CACNG2: variants seen among roughly 807,000 people sequenced by gnomAD.
CACNG2 encodes the protein voltage-dependent calcium channel gamma-2 subunit.
CACNG2 carries 3 observed loss-of-function variants against 25.9 expected under a neutral mutation model. That is an observed-to-expected ratio of 0.12 (90% CI 0.05 to 0.30). The LOEUF is 0.30. Among genes scored for constraint, CACNG2 ranks in the 10% least tolerant of loss-of-function variants. The probability of loss-of-function intolerance (pLI) is 1.00; values close to 1 mark genes in which losing one functional copy is unlikely to be tolerated. For missense variants in CACNG2, 341 were observed against 432.5 expected (o/e 0.79, Z 1.88); for synonymous variants, 167 against 173.3 (o/e 0.96, Z 0.29).
chr22:36,575,703 G>T (rs1010696535), intron 2 of CACNG2, among the ~76,000 whole-genome samples: 1 of 152,150 alleles, frequency 6.6e-6, no homozygotes, highest in Non-Finnish European at 1.5e-5. Context: ...ATGGTCCCGT[G>T]CCCATCAAGA....
chr22:36,577,492 A>G (rs1010440593), intron 2 of CACNG2, among the ~76,000 whole-genome samples: 1 of 151,994 alleles, frequency 6.6e-6, no homozygotes, highest in African/African-American at 2.4e-5. Flanking sequence ...TCTACTAAAA[A>G]TACAAAAATG....
At chr22:36,683,044 A>C (rs1476870147) in intron 1 of CACNG2, among the ~76,000 whole-genome samples, 1 of 152,198 alleles carries the variant, frequency 6.6e-6, no homozygotes, top group Non-Finnish European at 1.5e-5. Flanking sequence ...CAACTAGCTC[A>C]TGATCGCTCC....
At chr22:36,688,192 G>A (rs564593035) in intron 1 of CACNG2, among the ~76,000 whole-genome samples, 1 of 152,244 alleles carries the variant, frequency 6.6e-6, no homozygotes, top group South Asian at 2.1e-4. Flanking sequence ...AGCTCTCGGG[G>A]AAAATCACTC....
chr22:36,599,343 A>G (rs1935721117), intron 1 of CACNG2, among the ~76,000 whole-genome samples: 1 of 152,240 alleles, frequency 6.6e-6, no homozygotes, highest in African/African-American at 2.4e-5. Flanking sequence ...TAGATTATTT[A>G]GAAATACATG....
intron 1 of CACNG2, among the ~76,000 whole-genome samples, chr22:36,633,615 T>C (rs1936309403): frequency 6.6e-6 from 1 of 152,176 alleles, no homozygotes; most frequent in Non-Finnish European, 1.5e-5. Flanking sequence ...GACATGTCTG[T>C]TTTGGAGGCA....
chr22:36,601,854 A>C (rs901869491), intron 1 of CACNG2, among the ~76,000 whole-genome samples: 2 of 152,202 alleles, frequency 1.3e-5, no homozygotes, highest in African/African-American at 4.8e-5. Flanking sequence ...TTGCTGGGTC[A>C]TATGGGAGTT....
At chr22:36,574,943 G>A (rs1318933426) in intron 2 of CACNG2, among the ~76,000 whole-genome samples, 1 of 152,214 alleles carries the variant, frequency 6.6e-6, no homozygotes, top group Non-Finnish European at 1.5e-5. Context: ...GTGGAGCACA[G>A]GGGTGCCATC....
chr22:36,582,401 TCTTTC>T (rs1404076309), intron 2 of CACNG2, among the ~76,000 whole-genome samples: 23 of 140,228 alleles, frequency 1.6e-4, no homozygotes, highest in South Asian at 9.4e-4. Context: ...GTTTGCTCTT[TCTTTC>T]TTTCTTTTTT....
chr22:36,622,454 G>A lies in CACNG2; in HGVS notation c.212-34906C>T, dbSNP rs1309587740. Among the ~76,000 whole-genome samples the A allele has an allele frequency of 2.0e-5, 3 of 152,342 alleles. No homozygotes were observed. In the East Asian group the frequency reaches 5.8e-4, roughly 29 times the overall value. The stretch of plus-strand genomic sequence containing the variant: ...GATCATGAGGTCCAGGGATGGACTG[G>A]AGATCCATGGGTTTAGATCTTACTT... On this transcript the variant is annotated intron_variant, in intron 1 of 3. Transcript: ENST00000300105.
In CACNG2 at chr22:36,671,356, C is replaced by G. The variant is rs181848250; in HGVS notation, c.211+31010G>C. On this transcript the variant is annotated intron_variant, in intron 1 of 3. Transcript: ENST00000300105. ...TCTTGAAGCAGGCTGAAAAATATCA[C>G]TCTGTACTCCCCTTGGATTTGACTC... Among the ~76,000 whole-genome samples the G allele has an allele frequency of 6.6e-5, 10 of 152,316 alleles. No homozygotes were observed. In the East Asian group the frequency reaches 9.6e-4, roughly 15 times the overall value.
intron 1 of CACNG2, among the ~76,000 whole-genome samples, chr22:36,675,842 C>A (rs1601449818): frequency 6.6e-6 from 1 of 152,376 alleles, no homozygotes; most frequent in East Asian, 1.9e-4. Flanking sequence ...AGTACTACCA[C>A]TAGTGACAGC....
chr22:36,677,300 T>C (rs1405905755), intron 1 of CACNG2, among the ~76,000 whole-genome samples: 1 of 152,148 alleles, frequency 6.6e-6, no homozygotes, highest in Non-Finnish European at 1.5e-5. Flanking sequence ...AGTATATTTA[T>C]CCCCATCATT....
chr22:36,693,423 A>G (rs747727909), intron 1 of CACNG2, among the ~76,000 whole-genome samples: 1 of 152,024 alleles, frequency 6.6e-6, no homozygotes, highest in Non-Finnish European at 1.5e-5. Flanking sequence ...TCACCTGGTC[A>G]CTGCAACCAC....
intron 1 of CACNG2, among the ~76,000 whole-genome samples, chr22:36,610,236 CT>C (rs1935917675): frequency 3.3e-5 from 5 of 151,160 alleles, no homozygotes; most frequent in African/African-American, 7.3e-5. Context: ...CAGGAATCAG[CT>C]CCCCAGAGCG....
Position 36,564,900 on chromosome 22 carries a change from G to A in CACNG2, c.437-14C>T, listed in dbSNP as rs777760372. On this transcript the variant is annotated splice_polypyrimidine_tract_variant and intron_variant, in intron 3 of 3. Transcript: ENST00000300105. This position sits in a 1 kb window ranked among gnomAD's most constrained non-coding sequence, Gnocchi z 6.7. ...TGTTACTCAGACCTGCGGGGCGCAG[G>A]GTGGCGGGGTGGGGGATCAGAGAGA... 2.3e-4 allele frequency: 377 copies of A among 1,607,476 alleles called. No individual in the cohort carries two copies. Among genetic ancestry groups the A allele is most frequent in the Non-Finnish European group, 3.0e-4 (348 of 1,179,076 alleles).
At chr22:36,672,839 C>A (rs1378470989) in intron 1 of CACNG2, among the ~76,000 whole-genome samples, 4 of 152,234 alleles carry the variant, frequency 2.6e-5, no homozygotes, top group Admixed American at 2.6e-4. Flanking sequence ...CAAATGAGAA[C>A]TGGAAGCTTC....
chr22:36,681,780 C>T (rs1470020724), intron 1 of CACNG2, among the ~76,000 whole-genome samples: 2 of 152,152 alleles, frequency 1.3e-5, no homozygotes, highest in Non-Finnish European at 2.9e-5. Context: ...ATCTGTACCA[C>T]CACCCTGCCA....
At chr22:36,656,898 T>C (rs1182716227) in intron 1 of CACNG2, among the ~76,000 whole-genome samples, 1 of 152,230 alleles carries the variant, frequency 6.6e-6, no homozygotes, top group Non-Finnish European at 1.5e-5. Flanking sequence ...TCTGCAGCAC[T>C]CAGCTCCAGC....
Position 36,679,231 on chromosome 22 carries a change from C to CTTTCT in CACNG2, c.211+23134_211+23135insAGAAA, listed in dbSNP as rs1569049917. 1.6e-3 allele frequency among the ~76,000 whole-genome samples: 135 copies of CTTTCT among 86,622 alleles called. 1 individual carries two copies. Among genetic ancestry groups the CTTTCT allele is most frequent in the Middle Eastern group, 5.2e-3 (1 of 192 alleles). The allele number at this position is 86,622 out of a possible 152,430, so 56.8% of individuals were successfully genotyped here. On this transcript the variant is annotated intron_variant, in intron 1 of 3. Transcript: ENST00000300105. ...CTTTCTTTCTTTCTTTCTTTCTTTCCTTCTTTCTTTCTTTCTTTTCTTTAA... is the reference window on the plus strand; with the variant it reads ...CTTTCTTTCTTTCTTTCTTTCTTTCCTTTCTTTCTTTCTTTCTTTCTTTTCTTTAA...
Sources: allele counts gnomAD v4.1 joint callset (sites outside exome capture counted in the v4.1 genomes callset), GRCh38; gene constraint gnomAD v4.1.1; non-coding constraint Gnocchi (gnomAD v3.1); transcripts MANE v1.5; gene names NCBI Gene and HGNC (gene_info 2026-07-23, HGNC 2026-07-21).